The following SLC25A26 variants were observed in gnomAD, a reference collection of about 807,000 sequenced individuals.
The protein encoded by SLC25A26 is solute carrier family 25 member 26.
SLC25A26 carries 36 observed loss-of-function variants against 37.8 expected under a neutral mutation model. That is an observed-to-expected ratio of 0.95 (90% CI 0.73 to 1.26). The LOEUF (loss-of-function observed/expected upper bound fraction) is 1.26, where lower values mean the gene tolerates loss of function less well. SLC25A26 is among the 50% of genes most tolerant of loss of function. SLC25A26 has a pLI of 0.00. For synonymous variants in SLC25A26, 129 were observed against 122.5 expected (o/e 1.05, Z -0.35); for missense variants, 390 against 331.1 (o/e 1.18, Z -1.38).
intron 3 of SLC25A26, among the ~76,000 whole-genome samples, chr3:66,250,242 C>T (rs1680393): frequency 0.31 from 46,426 of 152,022 alleles, 7,408 homozygotes; most frequent in East Asian, 0.43. Flanking sequence ...CTTCTATGGT[C>T]CTTACCTAGT....
At chr3:66,268,153 A>G (rs2073827790) in intron 5 of SLC25A26, among the ~76,000 whole-genome samples, 1 of 152,210 alleles carries the variant, frequency 6.6e-6, no homozygotes, top group Non-Finnish European at 1.5e-5. Context: ...CCATTGTATA[A>G]ACAAACCATT....
intron 1 of SLC25A26, among the ~76,000 whole-genome samples, chr3:66,226,705 C>T (rs557328106): frequency 2.8e-4 from 43 of 152,240 alleles, no homozygotes; most frequent in African/African-American, 1.0e-3. Flanking sequence ...TCAAGCAATC[C>T]TCCTGACTCA....
At chr3:66,319,241 T>C (rs1283337837) in intron 5 of SLC25A26, among the ~76,000 whole-genome samples, 1 of 137,992 alleles carries the variant, frequency 7.2e-6, no homozygotes, top group East Asian at 3.5e-4. Flanking sequence ...AGCCTCATTA[T>C]ATAATTGTTT....
intron 1 of SLC25A26, among the ~76,000 whole-genome samples, chr3:66,160,339 G>A (rs918021094): frequency 3.3e-5 from 5 of 152,154 alleles, no homozygotes; most frequent in African/African-American, 1.2e-4. Flanking sequence ...TGTCAAATCA[G>A]TTCTGTCCCC....
At chr3:66,369,043 A>T (rs1311300447) in intron 7 of SLC25A26, among the ~76,000 whole-genome samples, 1 of 81,384 alleles carries the variant, frequency 1.2e-5, no homozygotes, top group Non-Finnish European at 2.6e-5. Flanking sequence ...AAAAAAAAAA[A>T]CAAAAACAAA....
intron 1 of SLC25A26, among the ~76,000 whole-genome samples, chr3:66,178,899 G>A (rs921452605): frequency 9.9e-5 from 15 of 152,266 alleles, no homozygotes; most frequent in African/African-American, 2.4e-4. Context: ...AATATCTTAC[G>A]TTATCAATGG....
At chr3:66,323,677 A>G (rs970486279) in intron 5 of SLC25A26, among the ~76,000 whole-genome samples, 2 of 152,062 alleles carry the variant, frequency 1.3e-5, no homozygotes, top group Non-Finnish European at 2.9e-5. Flanking sequence ...AGCCGGGCCT[A>G]GTGGTGCGTG....
At chr3:66,220,032 C>T (rs2071426643), upstream of SLC25A26, among the ~76,000 whole-genome samples, 1 of 152,152 alleles carries the variant, frequency 6.6e-6, no homozygotes, top group Non-Finnish European at 1.5e-5. Context: ...AAGAATAATT[C>T]TAGCAGTGTT....
chr3:66,270,847 T>C (rs1432661619), intron 5 of SLC25A26, among the ~76,000 whole-genome samples: 1 of 152,218 alleles, frequency 6.6e-6, no homozygotes, highest in Non-Finnish European at 1.5e-5. Flanking sequence ...AGCCCTTCAG[T>C]GCATAGTTTC....
chr3:66,197,081 A>G (rs2071054305), intron 1 of SLC25A26, among the ~76,000 whole-genome samples: 7 of 152,062 alleles, frequency 4.6e-5, no homozygotes, highest in Non-Finnish European at 5.9e-5. Context: ...TGCTGTCCTT[A>G]TGTTTATGTC....
chr3:66,344,531 C>A (rs1559721145), intron 5 of SLC25A26, among the ~76,000 whole-genome samples: 1 of 152,006 alleles, frequency 6.6e-6, no homozygotes, highest in Admixed American at 6.6e-5. Flanking sequence ...TCCTCTGAAA[C>A]TGGGACATTT....
intron 5 of SLC25A26, among the ~76,000 whole-genome samples, chr3:66,317,711 A>G (rs2075577826): frequency 6.6e-6 from 1 of 152,144 alleles, no homozygotes; most frequent in African/African-American, 2.4e-5. Flanking sequence ...AGCAGGCATA[A>G]AAGACTAAGA....
intron 5 of SLC25A26, among the ~76,000 whole-genome samples, chr3:66,311,362 A>C (rs554835672): frequency 1.3e-5 from 2 of 152,160 alleles, no homozygotes; most frequent in South Asian, 4.2e-4. Context: ...GTTCGTGTCT[A>C]AACTGGTTAT....
chr3:66,239,963 T>G (rs2072494070), intron 2 of SLC25A26, among the ~76,000 whole-genome samples: 1 of 152,130 alleles, frequency 6.6e-6, no homozygotes, highest in Non-Finnish European at 1.5e-5. Context: ...TCCTTTCTGC[T>G]TCTTAGGAGC....
At chr3:66,326,413 T>G (rs1017955864) in intron 5 of SLC25A26, among the ~76,000 whole-genome samples, 2 of 152,204 alleles carry the variant, frequency 1.3e-5, no homozygotes, top group African/African-American at 4.8e-5. Context: ...TTGCCTGCCC[T>G]GGTAGAGTCC....
At chr3:66,283,167 A>T (rs542539948) in intron 5 of SLC25A26, among the ~76,000 whole-genome samples, 2 of 152,318 alleles carry the variant, frequency 1.3e-5, no homozygotes, top group East Asian at 3.9e-4. Context: ...ATAGTCATGT[A>T]TAAGTTTTTG....
intron 5 of SLC25A26, among the ~76,000 whole-genome samples, chr3:66,320,667 T>A (rs112139313): frequency 9.1e-4 from 138 of 152,294 alleles, no homozygotes; most frequent in Middle Eastern, 6.8e-3. Flanking sequence ...CTCAAACTGT[T>A]TTCCACAGTG....
chr3:66,233,611 C>T (rs2072134720), intron 1 of SLC25A26, among the ~76,000 whole-genome samples: 1 of 152,058 alleles, frequency 6.6e-6, no homozygotes, highest in South Asian at 2.1e-4. Flanking sequence ...ATAGGCATTC[C>T]TTAAGGATTT....
chr3:66,352,367 C>T (rs1272412845), intron 6 of SLC25A26, among the ~76,000 whole-genome samples: 1 of 151,950 alleles, frequency 6.6e-6, no homozygotes, highest in Non-Finnish European at 1.5e-5. Context: ...TGCCACTCAC[C>T]CGCTGTGCCC....
Sources: allele counts gnomAD v4.1 joint callset (sites outside exome capture counted in the v4.1 genomes callset), GRCh38; gene constraint gnomAD v4.1.1; transcripts MANE v1.5; gene names NCBI Gene and HGNC (gene_info 2026-07-23, HGNC 2026-07-21).